SYNE1: variants seen among roughly 807,000 people sequenced by gnomAD.
The protein encoded by SYNE1 is nesprin-1.
In SYNE1, 616 loss-of-function variants were observed where a neutral mutation model predicts 1,111.0. The observed-to-expected ratio is 0.55, with a 90% CI of 0.52 to 0.59. The LOEUF is 0.59. SYNE1 is among the 20% of genes least tolerant of loss of function. The pLI, the probability that SYNE1 is intolerant of heterozygous loss-of-function variation, is 0.00. For missense variants in SYNE1, 10,006 were observed against 10,417.0 expected, an observed-to-expected ratio of 0.96 and a Z score of 1.72; for synonymous variants, 3,855 against 3,825.8, an observed-to-expected ratio of 1.01 and a Z score of -0.28.
intron 59 of SYNE1, 96 bp from the exon 60 acceptor site, chr6:152,369,710 C>G (rs145614187): frequency 3.5e-6 from 5 of 1,446,360 alleles, no homozygotes; most frequent in Non-Finnish European, 4.8e-6. Flanking sequence ...AGGCTGGGCA[C>G]AGTGGCTCAC....
chr6:152,316,960 A>C lies in SYNE1; in HGVS notation c.16599T>G (p.Asn5533Lys). The C allele has an allele frequency of 6.2e-7, 1 of 1,614,088 alleles. No homozygotes were observed. Among genetic ancestry groups the C allele is most frequent in the African/African-American group, 1.3e-5 (1 of 75,044 alleles). The change falls in exon 87 of 146, where the codon AAT becomes AAG. Residue 5533 changes from asparagine (N) to lysine (K), a missense_variant. Asn to Lys is a moderately conservative substitution (Grantham distance 94). Transcript: ENST00000367255. ...NQAASHLEEYNEMLELILKWI... is the reference protein window; with the variant it reads ...NQAASHLEEYKEMLELILKWI... Reference sequence around the variant, plus strand: ...ACTTCAAAATTAATTCAAGCATTTCATTGTATTCTTCTAAATGTGATGCTG... The same window carrying C: ...ACTTCAAAATTAATTCAAGCATTTCCTTGTATTCTTCTAAATGTGATGCTG...
chr6:152,476,595 T>C (rs2098836220), intron 14 of SYNE1, among the ~76,000 whole-genome samples: 1 of 152,126 alleles, frequency 6.6e-6, no homozygotes, highest in Non-Finnish European at 1.5e-5. Context: ...AAAATGGGGC[T>C]GGGTGCTGCA....
At chr6:152,541,012 T>A (rs1369596228) in intron 3 of SYNE1, among the ~76,000 whole-genome samples, 1 of 152,226 alleles carries the variant, frequency 6.6e-6, no homozygotes, top group African/African-American at 2.4e-5. Context: ...TTGCATGGAC[T>A]CCTGACATGC....
chr6:152,409,718 A>G lies in SYNE1; in HGVS notation c.6231-9T>C. On this transcript the variant is annotated splice_polypyrimidine_tract_variant and intron_variant, in intron 42 of 145. Coordinates refer to ENST00000367255, the MANE Select transcript of SYNE1 (RefSeq NM_182961.4). ...CACAGCACTGACCCTGACTGTAATG[A>G]TTAAAGAAAATATATTATTTGGTGT... The G allele has an allele frequency of 3.1e-6, 5 of 1,613,144 alleles. No homozygotes were observed. Among genetic ancestry groups the G allele is most frequent in the Non-Finnish European group, 4.2e-6 (5 of 1,179,876 alleles).
intron 91 of SYNE1, among the ~76,000 whole-genome samples, chr6:152,303,098 CTTTTTTT>C (rs71017533): frequency 2.8e-5 from 3 of 107,086 alleles, no homozygotes; most frequent in African/African-American, 1.1e-4. Context: ...AACTATTATT[CTTTTTTT>C]TTTTTTTTTT....
At chr6:152,437,166 G>C (rs2098481685) in intron 32 of SYNE1, among the ~76,000 whole-genome samples, 1 of 152,090 alleles carries the variant, frequency 6.6e-6, no homozygotes, top group African/African-American at 2.4e-5. Flanking sequence ...AGAAAAAAGA[G>C]AGAGAGAAGT....
At chr6:152,404,072 G>A (rs902965376) in intron 46 of SYNE1, 141 bp downstream of exon 46, 2 of 510,316 alleles carry the variant, frequency 3.9e-6, no homozygotes, top group Admixed American at 3.0e-5. Flanking sequence ...ATATGTATCA[G>A]ATATAGATAT....
intron 3 of SYNE1, among the ~76,000 whole-genome samples, chr6:152,585,351 T>A (rs2099534418): frequency 6.6e-6 from 1 of 152,228 alleles, no homozygotes; most frequent in Admixed American, 6.5e-5. Context: ...AATGTTGCAA[T>A]TAACAACTTT....
intron 100 of SYNE1, 44 bp downstream of exon 100, chr6:152,268,012 A>G (rs771763024): frequency 6.6e-7 from 1 of 1,507,924 alleles, no homozygotes; most frequent in South Asian, 1.1e-5. Flanking sequence ...TTCAAATGTC[A>G]GGGAAACACA....
intron 50 of SYNE1, 50 bp downstream of exon 50, chr6:152,396,725 A>G (rs772516199): frequency 1.7e-5 from 26 of 1,543,760 alleles, no homozygotes; most frequent in Non-Finnish European, 2.3e-5. Flanking sequence ...CTAAGCCTTT[A>G]AAAACACACT....
At chr6:152,215,314 T>C (rs773809818) in intron 121 of SYNE1, among the ~76,000 whole-genome samples, 25 of 152,222 alleles carry the variant, frequency 1.6e-4, no homozygotes, top group Non-Finnish European at 3.4e-4. Context: ...ACTTAACGTG[T>C]ATTCTGTTAT....
chr6:152,519,707 G>C (rs545188007), intron 6 of SYNE1, among the ~76,000 whole-genome samples: 3 of 152,242 alleles, frequency 2.0e-5, no homozygotes, highest in African/African-American at 4.8e-5. Context: ...GTGAGCAAAA[G>C]TTTGAGGAAA....
intron 3 of SYNE1, among the ~76,000 whole-genome samples, chr6:152,595,293 A>G (rs1018247604): frequency 2.6e-5 from 4 of 152,198 alleles, no homozygotes; most frequent in Admixed American, 6.5e-5. Flanking sequence ...TGATTTCTCA[A>G]CATCTCCACT....
chr6:152,438,402 A>T (rs2098496042), intron 32 of SYNE1, among the ~76,000 whole-genome samples: 1 of 152,234 alleles, frequency 6.6e-6, no homozygotes, highest in Non-Finnish European at 1.5e-5. Context: ...TGTATGGAAA[A>T]AGCATAATGC....
chr6:152,442,348 G>T, intron 30 of SYNE1, 103 bp from the exon 31 acceptor site: 1 of 1,377,844 alleles, frequency 7.3e-7, no homozygotes, highest in Non-Finnish European at 1.0e-6. Context: ...AGGTGGGCCC[G>T]AAATGTATTT....
intron 137 of SYNE1, chr6:152,147,694 TTG>T: frequency 3.2e-6 from 1 of 311,592 alleles, no homozygotes; most frequent in South Asian, 3.0e-5. Context: ...TCGCCCCTGC[TTG>T]TGTGTCCTGC....
chr6:152,217,379 A>AG (rs1459998189), intron 121 of SYNE1, among the ~76,000 whole-genome samples: 1 of 149,080 alleles, frequency 6.7e-6, no homozygotes, highest in Non-Finnish European at 1.5e-5. Context: ...CTGGGCGACA[A>AG]AGCAAGACTC....
chr6:152,428,519 G>C lies in SYNE1; in HGVS notation c.4789-127C>G, dbSNP rs2098395048. ...ATAAACAGGAATAGCACTAAGAATG[G>C]GTACAAATATACAGTTTGATAGAAG... On this transcript the variant is annotated intron_variant, in intron 36 of 145. Coordinates refer to ENST00000367255, the MANE Select transcript of SYNE1 (RefSeq NM_182961.4). 5.8e-6 allele frequency: 5 copies of C among 859,738 alleles called. No homozygotes were observed. In the Admixed American group the frequency reaches 9.9e-5, roughly 17 times the overall value. 53.3% of individuals were successfully genotyped at this position (859,738 alleles called of 1,614,324 possible).
At position 152,399,408 on chromosome 6, in the gene SYNE1, G is replaced by A. The variant is rs536562993; in HGVS notation, c.7237+208C>T. On this transcript the variant is annotated intron_variant, in intron 48 of 145. Transcript: ENST00000367255. The stretch of plus-strand genomic sequence containing the variant: ...AGATGGTGAACTCTTGCTTTCTTGG[G>A]AAAAAGAGGAAAAAGAAAGAAAAAA... 5.3e-5 allele frequency among the ~76,000 whole-genome samples: 8 copies of A among 152,240 alleles called. No homozygotes were observed. The South Asian group carries it at 1.7e-3, about 32-fold the overall frequency.
Sources: gnomAD v4.1 joint callset for allele counts (sites outside exome capture counted in the v4.1 genomes callset) on GRCh38, gnomAD v4.1.1 for gene constraint, MANE v1.5 for transcripts, NCBI Gene and HGNC (gene_info 2026-07-23, HGNC 2026-07-21) for gene names.